Variants in FAM135A observed in about 807,000 individuals in gnomAD.
FAM135A encodes protein FAM135A.
Under a neutral mutation model 146.8 loss-of-function variants are expected in FAM135A, and 79 were observed. That is an observed-to-expected ratio of 0.54 (90% CI 0.45 to 0.65). The LOEUF is 0.65. Among genes scored for constraint, FAM135A ranks in the 30% least tolerant of loss-of-function variants. The pLI, the probability that FAM135A is intolerant of heterozygous loss-of-function variation, is 0.00. For synonymous variants in FAM135A, 562 were observed against 603.6 expected (o/e 0.93, Z 1.01); for missense variants, 1,623 against 1,758.2 (o/e 0.92, Z 1.38).
At chr6:70,548,452 A>G (rs920553765) in intron 20 of FAM135A, among the ~76,000 whole-genome samples, 1 of 152,164 alleles carries the variant, frequency 6.6e-6, no homozygotes, top group Non-Finnish European at 1.5e-5. Context: ...ATGGAATCTG[A>G]GAGTGAAAGG....
chr6:70,418,209 G>T (rs1767966804), intron 2 of FAM135A, among the ~76,000 whole-genome samples: 1 of 152,196 alleles, frequency 6.6e-6, no homozygotes, highest in African/African-American at 2.4e-5. Context: ...ATGAGATAAT[G>T]TTTGTGATAA....
intron 20 of FAM135A, among the ~76,000 whole-genome samples, chr6:70,551,100 C>T (rs542508836): frequency 5.3e-5 from 8 of 152,332 alleles, no homozygotes; most frequent in East Asian, 3.9e-4. Flanking sequence ...CTTTCATCCA[C>T]GCCATCCAAA....
At chr6:70,447,671 G>A (rs1776079661) in intron 4 of FAM135A, among the ~76,000 whole-genome samples, 1 of 152,210 alleles carries the variant, frequency 6.6e-6, no homozygotes, top group Non-Finnish European at 1.5e-5. Flanking sequence ...GCCCCTCATG[G>A]CGTTTCCCGA....
At chr6:70,497,963 T>C (rs1787676691) in intron 11 of FAM135A, among the ~76,000 whole-genome samples, 1 of 152,238 alleles carries the variant, frequency 6.6e-6, no homozygotes, top group Non-Finnish European at 1.5e-5. Context: ...TGCCAGGTTT[T>C]GGTATCAGGA....
In FAM135A at chr6:70,525,833, A is replaced by G. The variant is rs1182231102; in HGVS notation, c.2749A>G (p.Ile917Val). 1 of 1,612,150 alleles carries G rather than the reference A, an allele frequency of 6.2e-7. No homozygotes were observed. Among genetic ancestry groups the G allele is most frequent in the East Asian group, 2.2e-5 (1 of 44,854 alleles). The change falls in exon 15 of 22, where the codon ATT becomes GTT. Residue 917 changes from isoleucine (I) to valine (V), a missense_variant. Around this residue, in one of 7 missense-constraint regions of FAM135A, gnomAD observed 1,061 missense variants for 1,113.8 expected, o/e 0.95. Coordinates refer to ENST00000418814, the MANE Select transcript of FAM135A (RefSeq NM_001162529.3). ...AGCAATACATTCCTTAAATTCAAGCATTAAAGACCCTTTACAATTTGTTTT... is the reference window on the plus strand; with the variant it reads ...AGCAATACATTCCTTAAATTCAAGCGTTAAAGACCCTTTACAATTTGTTTT... The part of the protein sequence containing the change: ...TVAIHSLNSS[I>V]KDPLQFVFSD...
chr6:70,464,658 C>CTTTTTTTTTTTTTT lies in FAM135A; in HGVS notation c.158-10744_158-10743insTTTTTTTTTTTTTT, dbSNP rs754818109. On this transcript the variant is annotated intron_variant, in intron 5 of 21. Coordinates refer to ENST00000418814, the MANE Select transcript of FAM135A (RefSeq NM_001162529.3). ...TTTAAATTTCTTTCTTTCTTTCTTT[C>CTTTTTTTTTTTTTT]TTTTTTTTCTTTTTTTTTTTTTTTT... 6.9e-4 allele frequency among the ~76,000 whole-genome samples: 69 copies of CTTTTTTTTTTTTTT among 100,412 alleles called. 3 individuals carry two copies. The highest frequency in any genetic ancestry group is 2.2e-3 in the African/African-American group (60 of 26,676). The allele number at this position is 100,412 out of a possible 152,430, so 65.9% of individuals were successfully genotyped here.
At chr6:70,457,730 A>C (rs773457997) in intron 5 of FAM135A, among the ~76,000 whole-genome samples, 46 of 152,238 alleles carry the variant, frequency 3.0e-4, no homozygotes, top group Non-Finnish European at 5.4e-4. Context: ...CAGAAGTTAT[A>C]ATTCAATCTC....
intron 8 of FAM135A, among the ~76,000 whole-genome samples, 189 bp downstream of exon 8, chr6:70,477,521 T>C (rs952318640): frequency 1.4e-4 from 22 of 151,996 alleles, no homozygotes; most frequent in African/African-American, 4.6e-4. Flanking sequence ...ATGGCAGAAA[T>C]CAAAGGGGGA....
chr6:70,559,701 C>T lies in FAM135A; in HGVS notation c.4343-15C>T, dbSNP rs1275590200. 11 of 1,567,830 alleles carry T rather than the reference C, an allele frequency of 7.0e-6. No homozygotes were observed. The highest frequency in any genetic ancestry group is 2.4e-5 in the South Asian group (2 of 83,086). On this transcript the variant is annotated splice_polypyrimidine_tract_variant and intron_variant, in intron 21 of 21. Transcript: ENST00000418814. ...TATTGTGAACTAATTTTCCTTTTTT[C>T]TGTTGGTTCCATAGGACAGATCTAT...
At position 70,437,462 on chromosome 6, in the gene FAM135A, T is replaced by C. The variant is rs150346950; in HGVS notation, c.77+9043T>C. Among the ~76,000 whole-genome samples, 51 of 152,206 alleles carry C rather than the reference T, an allele frequency of 3.4e-4. 1 individual carries two copies. In the East Asian group the frequency reaches 9.6e-3, roughly 29 times the overall value. Reference sequence around the variant, plus strand: ...TCTGTAAGTGTTCAGTTTTAAAAGATTTTACCTACAAAGAAATAAGAGTTT... The same window carrying C: ...TCTGTAAGTGTTCAGTTTTAAAAGACTTTACCTACAAAGAAATAAGAGTTT... On this transcript the variant is annotated intron_variant, in intron 4 of 21. Coordinates refer to ENST00000418814, the MANE Select transcript of FAM135A (RefSeq NM_001162529.3).
In FAM135A at chr6:70,524,012, C is replaced by A; in HGVS notation, c.1149C>A (p.Ser383=). The A allele has an allele frequency of 6.2e-7, 1 of 1,612,876 alleles. No individual in the cohort carries two copies. The highest frequency in any genetic ancestry group is 8.5e-7 in the Non-Finnish European group (1 of 1,179,450). The change falls in exon 14 of 22, where the codon TCC becomes TCA. Residue 383 remains serine (S), a synonymous_variant. Coordinates refer to ENST00000418814, the MANE Select transcript of FAM135A (RefSeq NM_001162529.3). ...TGTGCACCGCTATCAAAAATACTTC[C>A]TTCTGCAGTTCTCTTCCACCCTTAC... ...LQMCTAIKNT[S]FCSSLPPLPI...
At chr6:70,481,207 A>T (rs1783641962) in intron 9 of FAM135A, among the ~76,000 whole-genome samples, 180 bp downstream of exon 9, 1 of 150,578 alleles carries the variant, frequency 6.6e-6, no homozygotes, top group South Asian at 2.1e-4. Context: ...AACTAACATG[A>T]TACTTCAAAA....
Position 70,526,448 on chromosome 6 carries a change from C to A in FAM135A, c.3364C>A (p.Leu1122Ile). ...TGCTCACTATACAAGCAGAGATGAA[C>A]TAATGGAAGAAAGACTTACAAAATC... ...INAHYTSRDE[L>I]MEERLTKSEK... Residue 1122 changes from leucine (L) to isoleucine (I), a missense_variant, in exon 15 of 22, where the codon CTA becomes ATA. Coordinates refer to ENST00000418814, the MANE Select transcript of FAM135A (RefSeq NM_001162529.3). 1 of 1,613,482 alleles carries A rather than the reference C, an allele frequency of 6.2e-7. No individual in the cohort carries two copies. Among genetic ancestry groups the A allele is most frequent in the South Asian group, 1.1e-5 (1 of 91,062 alleles).
intron 4 of FAM135A, among the ~76,000 whole-genome samples, chr6:70,436,616 GA>G (rs891165668): frequency 1.8e-4 from 27 of 150,018 alleles, no homozygotes; most frequent in Middle Eastern, 3.4e-3. Context: ...TTGGCGATAT[GA>G]AAAAAAAACA....
At chr6:70,530,382 G>A (rs7454219) in intron 16 of FAM135A, among the ~76,000 whole-genome samples, 1 of 152,172 alleles carries the variant, frequency 6.6e-6, no homozygotes, top group East Asian at 1.9e-4. Flanking sequence ...GTGAATATTA[G>A]AGGTACAACT....
At chr6:70,414,604 A>T (rs550840480) in intron 1 of FAM135A, among the ~76,000 whole-genome samples, 2 of 150,360 alleles carry the variant, frequency 1.3e-5, no homozygotes, top group South Asian at 4.2e-4. Context: ...TTTGTGACAT[A>T]CCCTTCTAGT....
At chr6:70,476,137 G>A (rs1325672219) in intron 7 of FAM135A, among the ~76,000 whole-genome samples, 2 of 152,138 alleles carry the variant, frequency 1.3e-5, no homozygotes, top group African/African-American at 4.8e-5. Flanking sequence ...CTGACGATGT[G>A]CACTTGACAG....
intron 20 of FAM135A, among the ~76,000 whole-genome samples, chr6:70,543,889 C>T (rs1213564141): frequency 3.3e-5 from 5 of 152,066 alleles, no homozygotes; most frequent in South Asian, 2.1e-4. Context: ...CCTTATAGTG[C>T]GTGATCTGGT....
intron 19 of FAM135A, among the ~76,000 whole-genome samples, chr6:70,537,353 G>A (rs1450431154): frequency 1.3e-5 from 2 of 152,018 alleles, no homozygotes; most frequent in African/African-American, 2.4e-5. Flanking sequence ...TCTTTTCATT[G>A]ATCCCTGAAA....
Sources: gnomAD v4.1 joint callset for allele counts (sites outside exome capture counted in the v4.1 genomes callset) on GRCh38, gnomAD v4.1.1 for gene constraint, gnomAD v4.1.1 regional missense constraint, MANE v1.5 for transcripts, NCBI Gene and HGNC (gene_info 2026-07-23, HGNC 2026-07-21) for gene names.